KCNU1: variants seen among roughly 807,000 people sequenced by gnomAD.
The protein encoded by KCNU1 is potassium channel subfamily U member 1.
A neutral mutation model predicts 126.8 loss-of-function variants in KCNU1; 93 were observed. The observed-to-expected ratio is 0.73, with a 90% CI of 0.62 to 0.87. The LOEUF is 0.87. KCNU1 is among the 40% of genes least tolerant of loss of function. The pLI is 0.00. For synonymous variants in KCNU1, 523 were observed against 494.2 expected (o/e 1.06, Z -0.77); for missense variants, 1,330 against 1,367.1 (o/e 0.97, Z 0.43).
chr8:36,810,304 G>A (rs1363576304), intron 7 of KCNU1, among the ~76,000 whole-genome samples: 1 of 151,710 alleles, frequency 6.6e-6, no homozygotes, highest in Non-Finnish European at 1.5e-5. Flanking sequence ...TACAGCAGGT[G>A]CTCTTGGGTT....
chr8:36,816,255 A>G (rs1158298), intron 9 of KCNU1, among the ~76,000 whole-genome samples: 41,065 of 151,774 alleles, frequency 0.27, 6,088 homozygotes, highest in African/African-American at 0.38. Flanking sequence ...ATGTGTTCCC[A>G]GGAGGAAAAT....
intron 2 of KCNU1, among the ~76,000 whole-genome samples, chr8:36,803,491 A>C (rs886088840): frequency 2.6e-5 from 4 of 152,090 alleles, no homozygotes; most frequent in African/African-American, 9.7e-5. Context: ...CATGGTAAAA[A>C]AAATCACCTT....
chr8:36,909,631 G>C (rs1373466709), intron 21 of KCNU1, 96 bp downstream of exon 21: 1 of 718,036 alleles, frequency 1.4e-6, no homozygotes, highest in African/African-American at 1.8e-5. Flanking sequence ...TACAGTCCTT[G>C]CCAGATGCCA....
chr8:36,820,127 C>T (rs1208321808), intron 10 of KCNU1, among the ~76,000 whole-genome samples: 1 of 152,114 alleles, frequency 6.6e-6, no homozygotes, highest in Non-Finnish European at 1.5e-5. Context: ...TGTGAAGCTC[C>T]TGGATGAATG....
chr8:36,870,061 T>G (rs763014394), intron 19 of KCNU1, among the ~76,000 whole-genome samples: 1 of 152,168 alleles, frequency 6.6e-6, no homozygotes, highest in Non-Finnish European at 1.5e-5. Context: ...TAGCTTGCCA[T>G]TCTCCCTCCA....
At chr8:36,930,848 C>T in intron 24 of KCNU1, 103 bp from the exon 25 acceptor site, 1 of 686,130 alleles carries the variant, frequency 1.5e-6, no homozygotes, top group Non-Finnish European at 2.4e-6. Context: ...ACCATCAGGT[C>T]CATGTTAAAC....
chr8:36,841,896 A>G (rs1286358599), intron 16 of KCNU1, among the ~76,000 whole-genome samples: 2 of 152,188 alleles, frequency 1.3e-5, no homozygotes, highest in African/African-American at 2.4e-5. Flanking sequence ...TTCAGAGCAA[A>G]TGAAATATAC....
At chr8:36,829,478 A>T (rs932855231) in intron 10 of KCNU1, among the ~76,000 whole-genome samples, 7 of 151,772 alleles carry the variant, frequency 4.6e-5, no homozygotes, top group Admixed American at 3.9e-4. Context: ...CAATTTGTAT[A>T]ATTTTCTATT....
At chr8:36,789,680 G>C (rs547176872) in intron 2 of KCNU1, among the ~76,000 whole-genome samples, 1 of 152,198 alleles carries the variant, frequency 6.6e-6, no homozygotes, top group Non-Finnish European at 1.5e-5. Context: ...GGAAATATGA[G>C]TGAAGTGTTT....
intron 2 of KCNU1, among the ~76,000 whole-genome samples, chr8:36,803,622 C>T (rs1419326787): frequency 6.6e-6 from 1 of 152,046 alleles, no homozygotes; most frequent in African/African-American, 2.4e-5. Context: ...TTCCAATAAC[C>T]CCTTCTTTTC....
chr8:36,853,015 A>G (rs549846837), intron 18 of KCNU1, among the ~76,000 whole-genome samples: 26 of 152,234 alleles, frequency 1.7e-4, no homozygotes, highest in African/African-American at 6.0e-4. Flanking sequence ...ACATTAAGTG[A>G]AGTAACTGAT....
intron 2 of KCNU1, among the ~76,000 whole-genome samples, chr8:36,794,321 T>G (rs1803014492): frequency 6.6e-6 from 1 of 152,052 alleles, no homozygotes; most frequent in South Asian, 2.1e-4. Context: ...TTTGATCTCA[T>G]TTAGCTTTTT....
At chr8:36,845,764 C>T (rs780039775) in intron 17 of KCNU1, 38 bp from the exon 18 acceptor site, 2 of 1,516,780 alleles carry the variant, frequency 1.3e-6, no homozygotes, top group East Asian at 2.3e-5. Context: ...TGCATTAAGA[C>T]TCACATAATT....
chr8:36,932,089 C>T (rs1045136031), intron 25 of KCNU1, among the ~76,000 whole-genome samples: 3 of 152,092 alleles, frequency 2.0e-5, no homozygotes, highest in African/African-American at 7.2e-5. Flanking sequence ...AACAGTATAC[C>T]TGGTGCATGT....
At chr8:36,824,599 C>G (rs77085367) in intron 10 of KCNU1, among the ~76,000 whole-genome samples, 1,881 of 152,230 alleles carry the variant, frequency 0.012, 20 homozygotes, top group Non-Finnish European at 0.021. Context: ...AGCTAGCACA[C>G]CAACACAACC....
At chr8:36,807,872 C>T (rs1803565709) in intron 6 of KCNU1, among the ~76,000 whole-genome samples, 1 of 151,996 alleles carries the variant, frequency 6.6e-6, no homozygotes, top group South Asian at 2.1e-4. Context: ...TCGAAGCATA[C>T]ATTACCCAGC....
At chr8:36,865,309 A>C (rs1442425593) in intron 19 of KCNU1, among the ~76,000 whole-genome samples, 1 of 152,134 alleles carries the variant, frequency 6.6e-6, no homozygotes, top group Non-Finnish European at 1.5e-5. Context: ...TTCTTCAAAA[A>C]ATTAAGAATA....
At chr8:36,865,948 G>A (rs961362708) in intron 19 of KCNU1, among the ~76,000 whole-genome samples, 1 of 151,986 alleles carries the variant, frequency 6.6e-6, no homozygotes, top group Non-Finnish European at 1.5e-5. Context: ...AATACTGCAC[G>A]ATATCGCTTA....
chr8:36,807,614 A>G (rs1231143117), intron 6 of KCNU1, among the ~76,000 whole-genome samples, 164 bp downstream of exon 6: 2 of 152,002 alleles, frequency 1.3e-5, no homozygotes, highest in Non-Finnish European at 1.5e-5. Flanking sequence ...CTCCCATTAT[A>G]TTACATCTTA....
Sources: gnomAD v4.1 joint callset for allele counts (sites outside exome capture counted in the v4.1 genomes callset) on GRCh38, gnomAD v4.1.1 for gene constraint, MANE v1.5 for transcripts, NCBI Gene and HGNC (gene_info 2026-07-23, HGNC 2026-07-21) for gene names.